The following CNTN4 variants were observed in gnomAD, a reference collection of about 807,000 sequenced individuals.
CNTN4 encodes the protein contactin 4, also known as contactin-4.
Under a neutral mutation model 122.5 loss-of-function variants are expected in CNTN4, and 77 were observed. The ratio of observed to expected loss-of-function variants is 0.63; its 90% confidence interval spans 0.52 to 0.76. The LOEUF (loss-of-function observed/expected upper bound fraction) is 0.76. CNTN4 is among the 30% of genes least tolerant of loss of function. The pLI is 0.00. For synonymous variants in CNTN4, 512 were observed against 447.0 expected, an observed-to-expected ratio of 1.15 and a Z score of -1.83; for missense variants, 1,256 against 1,259.1, an observed-to-expected ratio of 1.00 and a Z score of 0.04.
At chr3:2,196,000 T>A (rs1428796912) in intron 2 of CNTN4, among the ~76,000 whole-genome samples, 1 of 152,194 alleles carries the variant, frequency 6.6e-6, no homozygotes, top group African/African-American at 2.4e-5. Flanking sequence ...CATTTTTGAG[T>A]ATAAACTTCT....
At chr3:2,660,502 G>A (rs1468765051) in intron 4 of CNTN4, among the ~76,000 whole-genome samples, 2 of 152,084 alleles carry the variant, frequency 1.3e-5, no homozygotes, top group Non-Finnish European at 2.9e-5. Flanking sequence ...ACAAGTTCTG[G>A]GTTTTGTCTG....
intron 2 of CNTN4, among the ~76,000 whole-genome samples, chr3:2,187,775 T>C (rs1377310403): frequency 6.6e-6 from 1 of 152,144 alleles, no homozygotes; most frequent in Non-Finnish European, 1.5e-5. Context: ...AGGAGAGGAC[T>C]AGATGCCACA....
chr3:2,224,222 T>C (rs948558354), intron 2 of CNTN4, among the ~76,000 whole-genome samples: 12 of 152,200 alleles, frequency 7.9e-5, no homozygotes, highest in Admixed American at 3.3e-4. Context: ...TGGCACATTC[T>C]GGTCTTCTAC....
At chr3:2,969,741 A>G (rs1012228596) in intron 13 of CNTN4, among the ~76,000 whole-genome samples, 150 of 152,264 alleles carry the variant, frequency 9.9e-4, no homozygotes, top group African/African-American at 3.6e-3. Context: ...ACCAACAATG[A>G]CAGACTTTTA....
rs563013896 is a variant in CNTN4, at chr3:2,747,390, CAG to C, written c.358+1696_358+1697del. Among the ~76,000 whole-genome samples, 108 of 149,830 alleles carry C rather than the reference CAG, an allele frequency of 7.2e-4. 5 individuals are homozygous for C. In the South Asian group the frequency reaches 0.022, roughly 30 times the overall value. ...CGCCACTGGACTCCAGCCTGGGCGA[CAG>C]AGCGAGACTCCGTCTAAAAAAAAAA... On this transcript the variant is annotated intron_variant, in intron 6 of 24. Coordinates refer to ENST00000418658, the MANE Select transcript of CNTN4 (RefSeq NM_175607.3).
At chr3:2,428,315 T>TCTCC (rs2047924220) in intron 3 of CNTN4, among the ~76,000 whole-genome samples, 1 of 152,188 alleles carries the variant, frequency 6.6e-6, no homozygotes, top group Non-Finnish European at 1.5e-5. Flanking sequence ...GGATTTTATT[T>TCTCC]CTCCTTCACT....
At chr3:2,811,585 C>T (rs1016845343) in intron 6 of CNTN4, among the ~76,000 whole-genome samples, 4 of 151,168 alleles carry the variant, frequency 2.6e-5, no homozygotes, top group African/African-American at 9.7e-5. Context: ...CTCAGCGTCC[C>T]GAGTAGCTGG....
intron 2 of CNTN4, among the ~76,000 whole-genome samples, chr3:2,299,573 C>A (rs997425474): frequency 6.6e-6 from 1 of 151,892 alleles, no homozygotes; most frequent in African/African-American, 2.4e-5. Flanking sequence ...ATTTTTATGC[C>A]ATAATCTGAT....
intron 2 of CNTN4, among the ~76,000 whole-genome samples, chr3:2,301,425 A>G (rs1168993466): frequency 1.3e-5 from 2 of 152,232 alleles, no homozygotes; most frequent in African/African-American, 2.4e-5. Context: ...AAAGCTTGTA[A>G]TACGCTTTAC....
At chr3:2,739,859 A>G (rs955896022) in intron 5 of CNTN4, among the ~76,000 whole-genome samples, 2 of 152,322 alleles carry the variant, frequency 1.3e-5, no homozygotes, top group African/African-American at 4.8e-5. Context: ...AAATATTTTA[A>G]CAAGGTCTGG....
Position 2,861,705 on chromosome 3 carries a change from AGT to A in CNTN4, c.455-5035_455-5034del, listed in dbSNP as rs147297697. Among the ~76,000 whole-genome samples, 252 of 151,986 alleles carry A rather than the reference AGT, an allele frequency of 1.7e-3. 2 individuals are homozygous for A. Among genetic ancestry groups the A allele is most frequent in the African/African-American group, 5.9e-3 (246 of 41,494 alleles). On this transcript the variant is annotated intron_variant, in intron 7 of 24. Coordinates refer to ENST00000418658, the MANE Select transcript of CNTN4 (RefSeq NM_175607.3). Reference sequence around the variant, plus strand: ...ACGCAGCTTAAATCAAATAAATAAGAGTGTGTGTGTGTGCACGTGTGTGTTCC... The same window carrying A: ...ACGCAGCTTAAATCAAATAAATAAGAGTGTGTGTGTGCACGTGTGTGTTCC...
intron 12 of CNTN4, among the ~76,000 whole-genome samples, chr3:2,917,044 C>A (rs7433992): frequency 0.096 from 9,471 of 98,184 alleles, 2,324 homozygotes; most frequent in African/African-American, 0.22. Flanking sequence ...CTCCGTCTGC[C>A]ATCCCGGCAC....
chr3:2,428,171 G>A (rs2047917298), intron 3 of CNTN4, among the ~76,000 whole-genome samples: 1 of 152,138 alleles, frequency 6.6e-6, no homozygotes, highest in South Asian at 2.1e-4. Flanking sequence ...TAGCCTCGAT[G>A]GTCTTTACAA....
chr3:2,478,147 C>T (rs969948632), intron 3 of CNTN4, among the ~76,000 whole-genome samples: 2 of 152,076 alleles, frequency 1.3e-5, no homozygotes, highest in Non-Finnish European at 2.9e-5. Flanking sequence ...TGACTTGAAA[C>T]CTTTTCATTT....
At chr3:2,179,029 G>T (rs536441594) in intron 2 of CNTN4, among the ~76,000 whole-genome samples, 8 of 151,938 alleles carry the variant, frequency 5.3e-5, no homozygotes, top group Non-Finnish European at 8.8e-5. Context: ...TGATCCTCCT[G>T]CCATCTTACT....
intron 3 of CNTN4, among the ~76,000 whole-genome samples, chr3:2,534,291 A>G (rs1480049262): frequency 6.6e-6 from 1 of 152,172 alleles, no homozygotes; most frequent in Non-Finnish European, 1.5e-5. Flanking sequence ...TATAAGTTGT[A>G]AGGAAGGGAT....
Position 2,496,827 on chromosome 3 carries a change from C to A in CNTN4, c.-88-74589C>A, listed in dbSNP as rs2076465942. Among the ~76,000 whole-genome samples, 3 of 152,190 alleles carry A rather than the reference C, an allele frequency of 2.0e-5. No individual in the cohort carries two copies. The South Asian group carries it at 6.2e-4, about 32-fold the overall frequency. ...AAACAGACCCAATATATTAAGAGGT[C>A]ATTTATTGTGGGAATTGGCTCTCAC... On this transcript the variant is annotated intron_variant, in intron 3 of 24. Coordinates refer to ENST00000418658, the MANE Select transcript of CNTN4 (RefSeq NM_175607.3).
chr3:2,470,345 G>A (rs1016194297), intron 3 of CNTN4, among the ~76,000 whole-genome samples: 1 of 152,126 alleles, frequency 6.6e-6, no homozygotes, highest in Non-Finnish European at 1.5e-5. Flanking sequence ...AAAGTGCTGG[G>A]ATTACGGGTG....
intron 2 of CNTN4, among the ~76,000 whole-genome samples, chr3:2,145,378 G>A (rs770093798): frequency 6.6e-6 from 1 of 152,190 alleles, no homozygotes; most frequent in Non-Finnish European, 1.5e-5. Flanking sequence ...CTCTGGCCTT[G>A]TCACATTGCA....
Sources: gnomAD v4.1 joint callset for allele counts (sites outside exome capture counted in the v4.1 genomes callset) on GRCh38, gnomAD v4.1.1 for gene constraint, MANE v1.5 for transcripts, NCBI Gene and HGNC (gene_info 2026-07-23, HGNC 2026-07-21) for gene names.